Variants in SCN9A observed in about 807,000 individuals in gnomAD.
SCN9A encodes sodium voltage-gated channel alpha subunit 9.
Under a neutral mutation model 187.0 loss-of-function variants are expected in SCN9A, and 131 were observed. The ratio of observed to expected loss-of-function variants is 0.70; its 90% confidence interval spans 0.61 to 0.81. The LOEUF (loss-of-function observed/expected upper bound fraction) is 0.81, where lower values mean the gene tolerates loss of function less well. Ranked by LOEUF, SCN9A falls within the 30% of genes least tolerant of loss-of-function variation. The probability of loss-of-function intolerance (pLI) is 0.00; values close to 1 mark genes in which losing one functional copy is unlikely to be tolerated. For missense variants in SCN9A, 2,252 were observed against 2,396.6 expected, an observed-to-expected ratio of 0.94 and a Z score of 1.26; for synonymous variants, 809 against 808.6, an observed-to-expected ratio of 1.00 and a Z score of -0.01.
intron 9 of SCN9A, among the ~76,000 whole-genome samples, chr2:166,289,249 C>T (rs1697929016): frequency 6.6e-6 from 1 of 150,656 alleles, no homozygotes; most frequent in African/African-American, 2.4e-5. Context: ...AGGTTTGTTA[C>T]ATGGGTAGAC....
chr2:166,264,564 C>T (rs1381260534), intron 17 of SCN9A, among the ~76,000 whole-genome samples: 2 of 151,912 alleles, frequency 1.3e-5, no homozygotes, highest in Admixed American at 1.3e-4. Context: ...TAACTCATCT[C>T]TTTGGTTATT....
intron 19 of SCN9A, among the ~76,000 whole-genome samples, chr2:166,238,924 A>C (rs1198802752): frequency 6.6e-6 from 1 of 152,178 alleles, no homozygotes; most frequent in Admixed American, 6.5e-5. Context: ...CTTTCCAAGA[A>C]ATTTTAGTAA....
intron 1 of SCN9A, among the ~76,000 whole-genome samples, chr2:166,356,078 G>A (rs545893207): frequency 4.4e-4 from 67 of 152,162 alleles, no homozygotes; most frequent in Admixed American, 3.7e-3. Context: ...GCCAAAATGA[G>A]GTTTTTCACA....
intron 21 of SCN9A, among the ~76,000 whole-genome samples, chr2:166,232,727 CTG>C (rs1695135022): frequency 2.5e-5 from 2 of 81,500 alleles, no homozygotes; most frequent in Admixed American, 3.1e-4. Context: ...CACTGAAATA[CTG>C]TGTGTGTATA....
chr2:166,253,497 G>C (rs772624352), intron 17 of SCN9A, among the ~76,000 whole-genome samples: 1 of 151,534 alleles, frequency 6.6e-6, no homozygotes, highest in Admixed American at 6.6e-5. Context: ...TATAGAATAG[G>C]CTTTAAAGTA....
rs547677163 is a variant in SCN9A at position 166,200,146 on chromosome 2, C to T, written c.4775-282G>A. The stretch of plus-strand genomic sequence containing the variant: ...CCGAGTAGCTGGGACTACAGGCGCC[C>T]GCTACCACGCCCGGCTAATTTTTTG... On this transcript the variant is annotated intron_variant, in intron 26 of 26. Transcript: ENST00000642356. 8.9e-3 allele frequency among the ~76,000 whole-genome samples: 1,308 copies of T among 147,720 alleles called. 15 individuals are homozygous for T. Among genetic ancestry groups the T allele is most frequent in the African/African-American group, 0.03 (1,217 of 39,928 alleles).
intron 1 of SCN9A, among the ~76,000 whole-genome samples, chr2:166,318,656 G>C (rs1342987109): frequency 6.6e-6 from 1 of 151,768 alleles, no homozygotes; most frequent in African/African-American, 2.4e-5. Flanking sequence ...AATTTCAGTA[G>C]AATGCTTGCT....
intron 17 of SCN9A, 55 bp from the exon 18 acceptor site, chr2:166,251,940 T>C (rs1211815031): frequency 6.3e-7 from 1 of 1,589,326 alleles, no homozygotes. Context: ...CATTCAAATA[T>C]GATATTTAAG....
chr2:166,234,697 A>G lies in SCN9A; in HGVS notation c.3802-1235T>C, dbSNP rs1695236459. Among the ~76,000 whole-genome samples, 4 of 152,010 alleles carry G rather than the reference A, an allele frequency of 2.6e-5. No individual in the cohort carries two copies. In the South Asian group the frequency reaches 8.3e-4, roughly 32 times the overall value. The stretch of plus-strand genomic sequence containing the variant: ...ATTTGCCCAGTCATTCACATCCATT[A>G]TTTTCCACTTAAGAACACTTGAAAA... On this transcript the variant is annotated intron_variant, in intron 20 of 26. Transcript: ENST00000642356.
chr2:166,297,964 T>C (rs1174427586), intron 7 of SCN9A, among the ~76,000 whole-genome samples: 1 of 148,882 alleles, frequency 6.7e-6, no homozygotes, highest in Non-Finnish European at 1.5e-5. Flanking sequence ...AAGATTAATG[T>C]AGCAAAATAG....
At position 166,264,881 on chromosome 2, in the gene SCN9A, G is replaced by A. The variant is rs544815064; in HGVS notation, c.3351+7518C>T. ...CCTGAATAAAGAAAATAATATCTCA[G>A]AAACCTGAATCCAAGTAAGCTAGGG... is the stretch of plus-strand genomic sequence containing the variant. On this transcript the variant is annotated intron_variant, in intron 17 of 26. Transcript: ENST00000642356. Among the ~76,000 whole-genome samples the A allele has an allele frequency of 2.0e-5, 3 of 152,068 alleles. No homozygotes were observed. In the South Asian group the frequency reaches 6.2e-4, roughly 32 times the overall value.
chr2:166,259,290 G>A (rs1444176058), intron 17 of SCN9A: 8 of 151,654 alleles, frequency 5.3e-5, no homozygotes, highest in Non-Finnish European at 3.0e-5. Flanking sequence ...TATTACCCCT[G>A]TGAGAAGAAG....
At chr2:166,297,196 CAAAAAAAAAAAAAAAA>C (rs71031236) in intron 7 of SCN9A, among the ~76,000 whole-genome samples, 15 of 32,892 alleles carry the variant, frequency 4.6e-4, no homozygotes, top group South Asian at 1.8e-3. Context: ...GACTCCATCT[CAAAAAAAAAAAAAAAA>C]AAAAAAAAAA....
intron 24 of SCN9A, among the ~76,000 whole-genome samples, chr2:166,218,916 G>C (rs1694457728): frequency 6.6e-6 from 1 of 152,052 alleles, no homozygotes; most frequent in Non-Finnish European, 1.5e-5. Context: ...GATATGAACA[G>C]ACACTTCTGA....
rs764240500 is a variant in SCN9A, at chr2:166,286,564, G to T, written c.1374C>A (p.Leu458=). The stretch of plus-strand genomic sequence containing the variant: ...TGGATGTTTCAGAAGAACTCTCTGA[G>T]AGGCCCATAATTCTGCTTCTCCTAA... The part of the protein sequence containing the change: ...TSIRRSRIMG[L]SESSSETSKL... Residue 458 remains leucine, a synonymous_variant, in exon 11 of 27, where the codon CTC becomes CTA. Transcript: ENST00000642356. 1.9e-6 allele frequency: 3 copies of T among 1,604,024 alleles called. No homozygotes were observed. The highest frequency in any genetic ancestry group is 2.3e-5 in the South Asian group (2 of 88,652).
intron 4 of SCN9A, 71 bp from the exon 5 acceptor site, chr2:166,305,991 A>T: frequency 6.4e-7 from 1 of 1,564,510 alleles, no homozygotes; most frequent in African/African-American, 1.4e-5. Flanking sequence ...TTTATAACTT[A>T]TTTTCTCTAA....
chr2:166,248,866 C>G (rs76547772), intron 18 of SCN9A, among the ~76,000 whole-genome samples: 1 of 151,638 alleles, frequency 6.6e-6, no homozygotes, highest in South Asian at 2.1e-4. Context: ...AATGGGGTTT[C>G]GCTACGTTGG....
At chr2:166,290,011 C>G (rs909693709) in intron 9 of SCN9A, among the ~76,000 whole-genome samples, 2 of 152,120 alleles carry the variant, frequency 1.3e-5, no homozygotes, top group Non-Finnish European at 2.9e-5. Flanking sequence ...AACCCATTAT[C>G]TAGGTTTTAA....
intron 24 of SCN9A, among the ~76,000 whole-genome samples, chr2:166,206,507 G>C (rs6750719): frequency 0.89 from 135,082 of 151,704 alleles, 60,259 homozygotes; most frequent in East Asian, 0.95. Context: ...CACACCAGGG[G>C]CAGTTAGGGG....
Sources: gnomAD v4.1 joint callset for allele counts (sites outside exome capture counted in the v4.1 genomes callset) on GRCh38, gnomAD v4.1.1 for gene constraint, MANE v1.5 for transcripts, NCBI Gene and HGNC (gene_info 2026-07-23, HGNC 2026-07-21) for gene names.